OTUD7A: variants seen among roughly 807,000 people sequenced by gnomAD.
The protein encoded by OTUD7A is OTU domain-containing protein 7A.
In OTUD7A, 12 loss-of-function variants were observed where a neutral mutation model predicts 65.7. The ratio of observed to expected loss-of-function variants is 0.18; its 90% CI spans 0.12 to 0.30. The LOEUF (loss-of-function observed/expected upper bound fraction) is 0.30, where lower values mean the gene tolerates loss of function less well. OTUD7A is among the 10% of genes least tolerant of loss of function. OTUD7A has a pLI of 1.00. For missense variants in OTUD7A, 1,148 were observed against 1,304.8 expected (o/e 0.88, Z 1.85); for synonymous variants, 641 against 586.3 (o/e 1.09, Z -1.35).
chr15:31,572,053 T>C (rs1889071794), intron 3 of OTUD7A, among the ~76,000 whole-genome samples: 1 of 152,214 alleles, frequency 6.6e-6, no homozygotes, highest in Admixed American at 6.5e-5. Flanking sequence ...TAATTCCATC[T>C]CTATGAGAAT....
intron 1 of OTUD7A, among the ~76,000 whole-genome samples, chr15:31,808,672 C>T (rs1331733423): frequency 1.3e-5 from 2 of 152,230 alleles, no homozygotes; most frequent in Non-Finnish European, 2.9e-5. Context: ...CTGTTCCAGA[C>T]AGCATGATCC....
intron 5 of OTUD7A, among the ~76,000 whole-genome samples, chr15:31,555,555 G>A (rs1566917630): frequency 2.0e-5 from 3 of 152,190 alleles, no homozygotes; most frequent in Non-Finnish European, 4.4e-5. Flanking sequence ...GCCTGGCTGT[G>A]GGGTGGAAGG....
chr15:31,629,758 T>C (rs941167692), intron 3 of OTUD7A, among the ~76,000 whole-genome samples: 2 of 152,206 alleles, frequency 1.3e-5, no homozygotes, highest in Non-Finnish European at 2.9e-5. Context: ...TGATTATTGC[T>C]AAAATTTCAG....
intron 1 of OTUD7A, among the ~76,000 whole-genome samples, chr15:31,792,845 G>A (rs1895854331): frequency 6.6e-6 from 1 of 152,176 alleles, no homozygotes; most frequent in African/African-American, 2.4e-5. Context: ...TGTCCTCAGG[G>A]AGCTCTTCTG....
intron 1 of OTUD7A, among the ~76,000 whole-genome samples, chr15:31,868,566 CA>C (rs1897940608): frequency 6.6e-6 from 1 of 152,222 alleles, no homozygotes; most frequent in Admixed American, 6.5e-5. Context: ...CATCCAAAAG[CA>C]GCTCACTTGG....
At chr15:31,686,752 C>CA (rs1892846090) in intron 1 of OTUD7A, among the ~76,000 whole-genome samples, 1 of 152,198 alleles carries the variant, frequency 6.6e-6, no homozygotes, top group African/African-American at 2.4e-5. Flanking sequence ...AGAGGAACCC[C>CA]ACAGGGCCAT....
Position 31,563,168 on chromosome 15 carries a change from C to G in OTUD7A, c.332-3981G>C, listed in dbSNP as rs528418428. Among the ~76,000 whole-genome samples, 5 of 152,200 alleles carry G rather than the reference C, an allele frequency of 3.3e-5. No homozygotes were observed. In the South Asian group the frequency reaches 1.0e-3, roughly 32 times the overall value. Reference sequence around the variant, plus strand: ...TCTCTCTGGTAGCAGAGAGAAGGGTCCTTCTAGCCCCTGTACCAGGAGGAT... The same window carrying G: ...TCTCTCTGGTAGCAGAGAGAAGGGTGCTTCTAGCCCCTGTACCAGGAGGAT... On this transcript the variant is annotated intron_variant, in intron 4 of 12. Transcript: ENST00000307050.
At chr15:31,514,346 C>T (rs918902105) in intron 8 of OTUD7A, among the ~76,000 whole-genome samples, 2 of 152,144 alleles carry the variant, frequency 1.3e-5, no homozygotes, top group Non-Finnish European at 2.9e-5. Context: ...CCACCGTGCC[C>T]AGCTCCCATC....
chr15:31,646,608 G>A (rs6416459), intron 3 of OTUD7A, among the ~76,000 whole-genome samples: 148,313 of 151,818 alleles, frequency 0.98, 72,451 homozygotes, highest in East Asian at 0.99. Context: ...TTACAGGTAT[G>A]CACCACCACG....
At chr15:31,670,467 G>T (rs1012990833) in intron 1 of OTUD7A, among the ~76,000 whole-genome samples, 6 of 151,842 alleles carry the variant, frequency 4.0e-5, no homozygotes, top group Admixed American at 2.6e-4. Flanking sequence ...TTTAATAATT[G>T]TCATTCTGAC....
intron 8 of OTUD7A, among the ~76,000 whole-genome samples, chr15:31,504,507 T>TC (rs1398516693): frequency 1.3e-5 from 2 of 151,976 alleles, no homozygotes; most frequent in Non-Finnish European, 2.9e-5. Flanking sequence ...AGCCTCGATG[T>TC]CCCCCCATAG....
At chr15:31,803,636 TCA>T (rs1261973375) in intron 1 of OTUD7A, among the ~76,000 whole-genome samples, 5 of 152,206 alleles carry the variant, frequency 3.3e-5, no homozygotes, top group Non-Finnish European at 4.4e-5. Context: ...ACAGCTAAAG[TCA>T]CAGTCTTTTC....
At chr15:31,536,125 A>G (rs1046683856) in intron 5 of OTUD7A, among the ~76,000 whole-genome samples, 2 of 152,250 alleles carry the variant, frequency 1.3e-5, no homozygotes, top group African/African-American at 4.8e-5. Context: ...TGAATAGCAC[A>G]GAAGCGAGGC....
At position 31,767,885 on chromosome 15, in the gene OTUD7A, G is replaced by A. The variant is rs369286775; in HGVS notation, c.-100+102622C>T. On this transcript the variant is annotated intron_variant, in intron 1 of 12. Coordinates refer to ENST00000307050, the MANE Select transcript of OTUD7A (RefSeq NM_001382637.1). ...TCGTGGTAGAGTTTTAAGTGGCAAC[G>A]TTGCAGGAAATCTGAAGAGCTGGTT... The A allele has an allele frequency of 7.0e-4, 985 of 1,400,732 alleles. 18 individuals carry two copies. The South Asian group carries it at 0.011, about 15-fold the overall frequency. 86.8% of individuals were successfully genotyped at this position (1,400,732 alleles called of 1,614,324 possible).
Position 31,484,470 on chromosome 15 carries a change from G to A in OTUD7A, c.1626C>T (p.Leu542=). The change falls in exon 13 of 13, where the codon CTC becomes CTT. Residue 542 remains leucine (L), a synonymous_variant. Transcript: ENST00000307050. This position sits in a 1 kb window ranked among gnomAD's most constrained non-coding sequence, Gnocchi z 4.5. ...CCATCTTGCCGTGCACCAGGCCGCCGAGGCCGCCCATGTTTTTCTTCAGCT... is the reference window on the plus strand; with the variant it reads ...CCATCTTGCCGTGCACCAGGCCGCCAAGGCCGCCCATGTTTTTCTTCAGCT... The part of the protein sequence containing the change: ...GIKLKKNMGG[L]GGLVHGKMGR... 1.2e-6 allele frequency: 2 copies of A among 1,606,236 alleles called. No homozygotes were observed. Among genetic ancestry groups the A allele is most frequent in the Non-Finnish European group, 1.7e-6 (2 of 1,179,942 alleles).
chr15:31,560,483 C>T (rs1888654630), intron 4 of OTUD7A, among the ~76,000 whole-genome samples: 1 of 152,230 alleles, frequency 6.6e-6, no homozygotes, highest in African/African-American at 2.4e-5. Flanking sequence ...GCTGCAAAAG[C>T]ACGCTTGTTT....
chr15:31,569,447 G>GT (rs2141171030), intron 4 of OTUD7A, among the ~76,000 whole-genome samples: 1 of 152,336 alleles, frequency 6.6e-6, no homozygotes, highest in Admixed American at 6.5e-5. Context: ...ACTCTGATGT[G>GT]TTTGATTTTG....
intron 3 of OTUD7A, among the ~76,000 whole-genome samples, chr15:31,575,388 T>C (rs1347247526): frequency 1.3e-5 from 2 of 152,150 alleles, no homozygotes; most frequent in East Asian, 3.8e-4. Flanking sequence ...GGTATGAATA[T>C]CTGCATAGGA....
At chr15:31,868,176 A>G (rs565540488) in intron 1 of OTUD7A, among the ~76,000 whole-genome samples, 2 of 152,334 alleles carry the variant, frequency 1.3e-5, no homozygotes, top group South Asian at 4.1e-4. Flanking sequence ...CTCTTTTGGG[A>G]AATCACTGAC....
Sources: allele counts gnomAD v4.1 joint callset (sites outside exome capture counted in the v4.1 genomes callset), GRCh38; gene constraint gnomAD v4.1.1; non-coding constraint Gnocchi (gnomAD v3.1); transcripts MANE v1.5; gene names NCBI Gene and HGNC (gene_info 2026-07-23, HGNC 2026-07-21).